Variants in PARP11 observed in about 807,000 individuals in gnomAD.
PARP11 encodes the protein poly(ADP-ribose) polymerase family member 11, also known as protein mono-ADP-ribosyltransferase PARP11.
Under a neutral mutation model 42.9 loss-of-function variants are expected in PARP11, and 31 were observed. That is an observed-to-expected ratio of 0.72 (90% CI 0.54 to 0.98). PARP11 has a LOEUF of 0.98. Ranked by LOEUF, PARP11 falls within the 50% of genes least tolerant of loss-of-function variation. PARP11 has a pLI of 0.00. For missense variants in PARP11, 365 were observed against 413.1 expected, an observed-to-expected ratio of 0.88 and a Z score of 1.01; for synonymous variants, 137 against 127.3, an observed-to-expected ratio of 1.08 and a Z score of -0.51.
rs142697520 is a variant in PARP11, at chr12:3,858,707, G to A, written c.18+14505C>T. On this transcript the variant is annotated intron_variant, in intron 1 of 7. Coordinates refer to ENST00000228820, the MANE Select transcript of PARP11 (RefSeq NM_020367.6). ...TAACATCTGATAAAGGTATTTTGGT[G>A]ATGCTATTGCACTGCTTAGTTATCC... is the stretch of plus-strand genomic sequence containing the variant. Among the ~76,000 whole-genome samples, 4 of 152,278 alleles carry A rather than the reference G, an allele frequency of 2.6e-5. No homozygotes were observed. In the East Asian group the frequency reaches 7.7e-4, roughly 29 times the overall value.
chr12:3,855,639 TG>T (rs1948176402), intron 1 of PARP11, among the ~76,000 whole-genome samples: 2 of 152,174 alleles, frequency 1.3e-5, no homozygotes, highest in African/African-American at 4.8e-5. Flanking sequence ...CACAAACGAA[TG>T]GAAGAACATT....
At position 3,826,211 on chromosome 12, in the gene PARP11, G is replaced by A; in HGVS notation, c.291C>T (p.Thr97=). The part of the protein sequence containing the change: ...DFAEMKQMNL[T]TGKQRLIKRA... ...TTTTTATTAAGCGCTGCTTTCCAGT[G>A]GTGAGATTCATTTGCTTCATTTCTG... The change falls in exon 4 of 8, where the codon ACC becomes ACT. Residue 97 remains threonine, a synonymous_variant. Coordinates refer to ENST00000228820, the MANE Select transcript of PARP11 (RefSeq NM_020367.6). 1 of 1,596,394 alleles carries A rather than the reference G, an allele frequency of 6.3e-7. No homozygotes were observed. The highest frequency in any genetic ancestry group is 8.5e-7 in the Non-Finnish European group (1 of 1,174,466).
intron 1 of PARP11, chr12:3,841,598 C>G: frequency 1.2e-6 from 2 of 1,612,730 alleles, no homozygotes; most frequent in South Asian, 1.1e-5. Context: ...GGACAATTGT[C>G]TTACCAGGCT....
At chr12:3,812,461 A>T in intron 7 of PARP11, 22 bp from the exon 8 acceptor site, 2 of 1,566,804 alleles carry the variant, frequency 1.3e-6, no homozygotes, top group Non-Finnish European at 1.7e-6. Context: ...AGGACCAAGA[A>T]AAGCCAAGAT....
intron 1 of PARP11, chr12:3,832,082 T>C (rs1947653531): frequency 8.0e-6 from 7 of 879,776 alleles, no homozygotes; most frequent in South Asian, 5.3e-5. Flanking sequence ...AGCATACATA[T>C]AACATGTGTG....
chr12:3,831,327 A>G (rs928155439), intron 1 of PARP11, among the ~76,000 whole-genome samples: 6 of 152,122 alleles, frequency 3.9e-5, no homozygotes, highest in African/African-American at 1.4e-4. Context: ...GATTTGTTAA[A>G]AATTTGATTT....
chr12:3,864,947 CA>C (rs1948364374), intron 1 of PARP11, among the ~76,000 whole-genome samples: 1 of 151,994 alleles, frequency 6.6e-6, no homozygotes, highest in Non-Finnish European at 1.5e-5. Flanking sequence ...CTTCTTTTTC[CA>C]GTTTCTTAGA....
chr12:3,836,441 T>C (rs1268009686), intron 1 of PARP11, among the ~76,000 whole-genome samples: 1 of 152,134 alleles, frequency 6.6e-6, no homozygotes, highest in East Asian at 1.9e-4. Flanking sequence ...CTGAGAGAAT[T>C]CACTGCTAGC....
intron 4 of PARP11, among the ~76,000 whole-genome samples, chr12:3,822,808 C>A (rs897044658): frequency 6.6e-5 from 10 of 151,998 alleles, no homozygotes; most frequent in Non-Finnish European, 2.9e-5. Flanking sequence ...CAAAATCAAG[C>A]TCCTGATGAA....
intron 1 of PARP11, among the ~76,000 whole-genome samples, chr12:3,868,705 T>C (rs1365883735): frequency 6.6e-6 from 1 of 152,156 alleles, no homozygotes; most frequent in Admixed American, 6.5e-5. Flanking sequence ...TCTCCCCACT[T>C]AGTAGTCACC....
chr12:3,846,739 A>G (rs1948006482), intron 1 of PARP11, among the ~76,000 whole-genome samples: 1 of 150,800 alleles, frequency 6.6e-6, no homozygotes. Flanking sequence ...CCTGGGCAAC[A>G]GAGCGAGACT....
At chr12:3,865,889 CT>C (rs11376275) in intron 1 of PARP11, among the ~76,000 whole-genome samples, 184 of 139,436 alleles carry the variant, frequency 1.3e-3, no homozygotes, top group Non-Finnish European at 1.5e-3. Flanking sequence ...TTGTTATTTG[CT>C]TTTTTTTTTT....
intron 1 of PARP11, among the ~76,000 whole-genome samples, chr12:3,848,429 A>G (rs1948038457): frequency 6.6e-6 from 1 of 152,224 alleles, no homozygotes; most frequent in African/African-American, 2.4e-5. Context: ...TATAGTAATC[A>G]AATCAGCACG....
intron 1 of PARP11, among the ~76,000 whole-genome samples, chr12:3,852,586 A>G (rs1243410627): frequency 6.6e-6 from 1 of 152,204 alleles, no homozygotes; most frequent in East Asian, 1.9e-4. Flanking sequence ...TTAAAGAAAA[A>G]AGAGTAAAAA....
chr12:3,855,986 C>A (rs1386843840), intron 1 of PARP11, among the ~76,000 whole-genome samples: 20 of 152,288 alleles, frequency 1.3e-4, no homozygotes, highest in Middle Eastern at 3.4e-3. Flanking sequence ...CACACATCTA[C>A]AACCACCTGA....
chr12:3,836,494 G>T (rs1947765104), intron 1 of PARP11, among the ~76,000 whole-genome samples: 1 of 152,206 alleles, frequency 6.6e-6, no homozygotes, highest in Non-Finnish European at 1.5e-5. Flanking sequence ...TTATCAGGCT[G>T]AAATGATACT....
intron 1 of PARP11, among the ~76,000 whole-genome samples, chr12:3,835,680 CAAT>C (rs1376792314): frequency 2.6e-5 from 4 of 151,880 alleles, no homozygotes; most frequent in Admixed American, 2.0e-4. Flanking sequence ...TAAATAATAT[CAAT>C]AAAGAGAGAA....
Position 3,873,342 on chromosome 12 carries a change from A to C in PARP11, c.-113T>G, listed in dbSNP as rs1299265040. On this transcript the variant is annotated 5_prime_UTR_variant, in exon 1 of 8. Coordinates refer to ENST00000228820, the MANE Select transcript of PARP11 (RefSeq NM_020367.6). The stretch of plus-strand genomic sequence containing the variant: ...CCCGGGAGCGAAGGGACGGAGATGC[A>C]ACCTTTACGAAGGCCTTCCTCCTCC... 1 of 992,040 alleles carries C rather than the reference A, an allele frequency of 1.0e-6. No individual in the cohort carries two copies. The highest frequency in any genetic ancestry group is 2.1e-5 in the Admixed American group (1 of 48,410). 61.5% of individuals were successfully genotyped at this position (992,040 alleles called of 1,614,324 possible). A position where few individuals can be genotyped will look rare whatever the true frequency, so the allele number is the denominator to read the frequency against.
In PARP11 at chr12:3,810,621, AGGAGGGAGGGAG is replaced by A. The variant is rs202053396; in HGVS notation, c.*1490_*1501del. The A allele has an allele frequency of 8.9e-6, 1 of 112,610 alleles. No homozygotes were observed. Among genetic ancestry groups the A allele is most frequent in the Non-Finnish European group, 1.8e-5 (1 of 56,146 alleles). 7.0% of individuals were successfully genotyped at this position (112,610 alleles called of 1,614,324 possible). ...AAAAAAGAAAGAAAAAGAAAAAGGGAGGAGGGAGGGAGGGAGGGAGGGAAAGAAGGAAGGAAG... is the reference window on the plus strand; with the variant it reads ...AAAAAAGAAAGAAAAAGAAAAAGGGAGGAGGGAGGGAAAGAAGGAAGGAAG... On this transcript the variant is annotated 3_prime_UTR_variant, in exon 8 of 8. Transcript: ENST00000228820.
Sources: gnomAD v4.1 joint callset for allele counts (sites outside exome capture counted in the v4.1 genomes callset) on GRCh38, gnomAD v4.1.1 for gene constraint, MANE v1.5 for transcripts, NCBI Gene and HGNC (gene_info 2026-07-23, HGNC 2026-07-21) for gene names.